The following RANGRF variants were observed in gnomAD, a reference collection of about 807,000 sequenced individuals.
RANGRF encodes the protein RAN guanine nucleotide release factor, also known as MOG1 homolog.
In RANGRF, 17 loss-of-function variants were observed where a neutral mutation model predicts 21.8. The observed-to-expected ratio is 0.78, with a 90% confidence interval of 0.53 to 1.17. The LOEUF is 1.17. RANGRF is among the 50% of genes most tolerant of loss of function. The probability of loss-of-function intolerance (pLI) is 0.00; values close to 1 mark genes in which losing one functional copy is unlikely to be tolerated. For synonymous variants in RANGRF, 97 were observed against 94.3 expected, an observed-to-expected ratio of 1.03 and a Z score of -0.17; for missense variants, 225 against 235.5, an observed-to-expected ratio of 0.96 and a Z score of 0.29.
rs1478013092 is a variant in RANGRF, at chr17:8,289,072, G to T, written c.194G>T (p.Arg65Leu). The T allele has an allele frequency of 6.2e-7, 1 of 1,613,404 alleles. No individual in the cohort carries two copies. The highest frequency in any genetic ancestry group is 1.3e-5 in the African/African-American group (1 of 75,070). ...CACGTACGGGGCGAAGCGGCTGCGCGGTGAGGGAATGGCCCCCGGCTGGCC... is the reference window on the plus strand; with the variant it reads ...CACGTACGGGGCGAAGCGGCTGCGCTGTGAGGGAATGGCCCCCGGCTGGCC... ...QAHVRGEAAA[R>L]YHFEDVGGVQ... is the part of the protein sequence containing the mutation. The change falls in exon 2 of 5, where the codon CGG becomes CTG. Residue 65 changes from arginine to leucine, a missense_variant and splice_region_variant. Transcript: ENST00000226105.
rs546562640 is a variant in RANGRF, at chr17:8,289,540, G to A, written c.389G>A (p.Arg130Lys). The A allele has an allele frequency of 4.3e-6, 7 of 1,614,166 alleles. No homozygotes were observed. In the African/African-American group the frequency reaches 8.0e-5, roughly 18 times the overall value. ...KDVTLHQALL[R>K]LPQYQTDLLL... ...GTGACACTTCATCAGGCCTTGCTGA[G>A]GCTGCCCCAGTACCAGACTGATCTC... Residue 130 changes from arginine to lysine, a missense_variant, in exon 4 of 5, where the codon AGG (arginine) becomes AAG (lysine). By Grantham distance (26) the Arg-to-Lys change is conservative. Transcript: ENST00000226105.
In RANGRF at chr17:8,289,974, G is replaced by C. The variant is rs1038845672; in HGVS notation, c.*38G>C. On this transcript the variant is annotated 3_prime_UTR_variant, in exon 5 of 5. Transcript: ENST00000226105. The stretch of plus-strand genomic sequence containing the variant: ...ACTGCATGATGTTGCTGAGAACTTG[G>C]GGACTCGGTTCTGTGAGGGGGAAAA... 11 of 1,613,132 alleles carry C rather than the reference G, an allele frequency of 6.8e-6. No individual in the cohort carries two copies. The highest frequency in any genetic ancestry group is 1.7e-5 in the Admixed American group (1 of 59,994).
In RANGRF at chr17:8,288,707, G is replaced by A; in HGVS notation, c.-82G>A. On this transcript the variant is annotated 5_prime_UTR_variant, in exon 1 of 5. Transcript: ENST00000226105. ...AGACCCGGGTGGCGGTGGCAGCTGC[G>A]AAACCCAGGGAGCCGATGCCACGTG... 6.6e-7 allele frequency: 1 copy of A among 1,515,930 alleles called. No homozygotes were observed. The highest frequency in any genetic ancestry group is 9.2e-7 in the Non-Finnish European group (1 of 1,092,262). The allele number at this position is 1,515,930 out of a possible 1,614,324, so 93.9% of individuals were successfully genotyped here. A position where few individuals can be genotyped will look rare whatever the true frequency, so the allele number is the denominator to read the frequency against.
At chr17:8,289,679 A>G in intron 4 of RANGRF, 91 bp downstream of exon 4, 1 of 1,607,300 alleles carries the variant, frequency 6.2e-7, no homozygotes, top group South Asian at 1.1e-5. Flanking sequence ...CACTGGTGGG[A>G]TCCTCCAAGG....
Position 8,289,121 on chromosome 17 carries a change from A to T in RANGRF, c.194+49A>T, listed in dbSNP as rs748634671. ...CCAATGGCAGGGGCGGGGTCGGACC[A>T]GTGGGCGGGGCCCGCGGCCGACGGT... is the stretch of plus-strand genomic sequence containing the variant. On this transcript the variant is annotated intron_variant, in intron 2 of 4. Transcript: ENST00000226105. The T allele has an allele frequency of 2.5e-6, 4 of 1,605,148 alleles. No individual in the cohort carries two copies. The African/African-American group carries it at 5.3e-5, about 21-fold the overall frequency.
rs1990345202 is a variant in RANGRF at position 8,289,857 on chromosome 17, C to T, written c.482C>T (p.Ala161Val). Residue 161 changes from alanine (A) to valine (V), a missense_variant, in exon 5 of 5, where the codon GCA (alanine) becomes GTA (valine). Transcript: ENST00000226105. ...CTTGGCCCCGAAAATCTGTCACCTG[C>T]ACCCTGGAGCCTGGGTGACTTTGAA... ...SSLGPENLSP[A>V]PWSLGDFEQL... 6.2e-7 allele frequency: 1 copy of T among 1,614,192 alleles called. No individual in the cohort carries two copies. The highest frequency in any genetic ancestry group is 8.5e-7 in the Non-Finnish European group (1 of 1,180,046).
chr17:8,289,853 C>A lies in RANGRF; in HGVS notation c.478C>A (p.Pro160Thr). ...RSSLGPENLS[P>T]APWSLGDFEQ... Reference sequence around the variant, plus strand: ...ATCTCTTGGCCCCGAAAATCTGTCACCTGCACCCTGGAGCCTGGGTGACTT... The same window carrying A: ...ATCTCTTGGCCCCGAAAATCTGTCAACTGCACCCTGGAGCCTGGGTGACTT... The change falls in exon 5 of 5, where the codon CCT becomes ACT. Residue 160 changes from proline to threonine, a missense_variant. Physicochemically the swap from Pro to Thr is conservative, Grantham distance 38. Coordinates refer to ENST00000226105, the MANE Select transcript of RANGRF (RefSeq NM_016492.5). 6.2e-7 allele frequency: 1 copy of A among 1,614,168 alleles called. No homozygotes were observed. Among genetic ancestry groups the A allele is most frequent in the African/African-American group, 1.3e-5 (1 of 75,044 alleles).
rs752925793 is a variant in RANGRF at position 8,289,430 on chromosome 17, T to G, written c.351+16T>G. On this transcript the variant is annotated intron_variant, in intron 3 of 4. Coordinates refer to ENST00000226105, the MANE Select transcript of RANGRF (RefSeq NM_016492.5). ...AAACCAGCAGGTGAGGGCCCGAGAG[T>G]GTGTAATGTCCTGGAAGGGCGGTAG... 1.7e-5 allele frequency: 28 copies of G among 1,613,086 alleles called. No individual in the cohort carries two copies. The highest frequency in any genetic ancestry group is 2.2e-5 in the Non-Finnish European group (26 of 1,179,760).
intron 4 of RANGRF, 30 bp from the exon 5 acceptor site, chr17:8,289,783 T>A (rs1990337975): frequency 1.9e-6 from 3 of 1,613,634 alleles, no homozygotes; most frequent in Non-Finnish European, 2.5e-6. Context: ...CTGGATGATG[T>A]TCTGTCTCCA....
chr17:8,289,585 C>T lies in RANGRF; in HGVS notation c.434C>T (p.Pro145Leu), dbSNP rs201882524. 80 of 1,611,852 alleles carry T rather than the reference C, an allele frequency of 5.0e-5. No individual in the cohort carries two copies. The highest frequency in any genetic ancestry group is 6.7e-5 in the African/African-American group (5 of 74,862). ...QTDLLLTFNQ[P>L]PPDNRSSLGP... ...GATCTCTTGCTTACCTTCAATCAGC[C>T]CCCGTAAGGAGGAAGGAACGGGCGG... Residue 145 changes from proline to leucine, a missense_variant, in exon 4 of 5, where the codon CCC (proline) becomes CTC (leucine). Coordinates refer to ENST00000226105, the MANE Select transcript of RANGRF (RefSeq NM_016492.5).
rs1990258360 is a variant in RANGRF, at chr17:8,289,007, G to A, written c.129G>A (p.Thr43=). The part of the protein sequence containing the change: ...DNQEVFCHPV[T]DQSLIVELLE... ...AAGAAGTTTTCTGCCATCCCGTGAC[G>A]GACCAGAGCCTGATAGTGGAACTTC... Residue 43 remains threonine, a synonymous_variant, in exon 2 of 5, where the codon ACG becomes ACA. Transcript: ENST00000226105. 3.7e-6 allele frequency: 6 copies of A among 1,614,008 alleles called. No homozygotes were observed. The highest frequency in any genetic ancestry group is 4.2e-6 in the Non-Finnish European group (5 of 1,180,040).
chr17:8,289,140 C>T, intron 2 of RANGRF, 68 bp downstream of exon 2: 2 of 1,602,112 alleles, frequency 1.2e-6, no homozygotes, highest in East Asian at 4.5e-5. Context: ...GGCCCGCGGC[C>T]GACGGTTAAT....
intron 4 of RANGRF, 98 bp downstream of exon 4, chr17:8,289,686 A>C (rs1324115052): frequency 6.2e-7 from 1 of 1,608,836 alleles, no homozygotes; most frequent in South Asian, 1.1e-5. Context: ...GGGATCCTCC[A>C]AGGAAGCAGG....
Position 8,289,414 on chromosome 17 carries a change from G to A in RANGRF, c.351G>A (p.Gln117=). ...GKQQIAKENQ[Q]VAKDVTLHQA... ...AGCAGATAGCTAAGGAAAACCAGCA[G>A]GTGAGGGCCCGAGAGTGTGTAATGT... is the stretch of plus-strand genomic sequence containing the variant. The change falls in exon 3 of 5, where the codon CAG becomes CAA. Residue 117 remains glutamine (Q), a splice_region_variant and synonymous_variant. Transcript: ENST00000226105. 1.9e-6 allele frequency: 3 copies of A among 1,614,050 alleles called. No individual in the cohort carries two copies. The highest frequency in any genetic ancestry group is 2.5e-6 in the Non-Finnish European group (3 of 1,179,956).
At chr17:8,289,633 G>A (rs1195367343) in intron 4 of RANGRF, 45 bp downstream of exon 4, 7 of 1,606,848 alleles carry the variant, frequency 4.4e-6, no homozygotes, top group Non-Finnish European at 6.0e-6. Context: ...TGGGTTCCCA[G>A]GAGAATCGGG....
intron 2 of RANGRF, 49 bp from the exon 3 acceptor site, chr17:8,289,208 CG>C: frequency 1.9e-6 from 3 of 1,607,236 alleles, no homozygotes; most frequent in Non-Finnish European, 2.6e-6. Flanking sequence ...AAGATGCTCC[CG>C]GGGAGGCGAC....
chr17:8,289,168 G>T, intron 2 of RANGRF, 90 bp from the exon 3 acceptor site: 1 of 1,599,506 alleles, frequency 6.3e-7, no homozygotes, highest in African/African-American at 1.3e-5. Context: ...GTGAGACCAC[G>T]CACGGGCCGG....
At chr17:8,289,123 T>C in intron 2 of RANGRF, 51 bp downstream of exon 2, 1 of 1,604,412 alleles carries the variant, frequency 6.2e-7, no homozygotes, top group South Asian at 1.1e-5. Context: ...GTCGGACCAG[T>C]GGGCGGGGCC....
chr17:8,288,684 A>C lies in RANGRF; in HGVS notation c.-105A>C. The stretch of plus-strand genomic sequence containing the variant: ...TTAAAGGATCCGGGAGCTAAGCCAG[A>C]CCCGGGTGGCGGTGGCAGCTGCGAA... On this transcript the variant is annotated 5_prime_UTR_variant, in exon 1 of 5. Coordinates refer to ENST00000226105, the MANE Select transcript of RANGRF (RefSeq NM_016492.5). 1 of 1,302,220 alleles carries C rather than the reference A, an allele frequency of 7.7e-7. No homozygotes were observed. The highest frequency in any genetic ancestry group is 1.1e-6 in the Non-Finnish European group (1 of 899,994). The allele number at this position is 1,302,220 out of a possible 1,614,324, so 80.7% of individuals were successfully genotyped here. A position where few individuals can be genotyped will look rare whatever the true frequency, so the allele number is the denominator to read the frequency against.
Sources: allele counts gnomAD v4.1 joint callset, GRCh38; gene constraint gnomAD v4.1.1; transcripts MANE v1.5; gene names NCBI Gene and HGNC (gene_info 2026-07-23, HGNC 2026-07-21).